The following TRIM2 variants were observed in gnomAD, a reference collection of about 807,000 sequenced individuals.
TRIM2 encodes the protein tripartite motif-containing protein 2.
In TRIM2, 20 loss-of-function variants were observed where a neutral mutation model predicts 75.2. The ratio of observed to expected loss-of-function variants is 0.27; its 90% CI spans 0.19 to 0.39. The LOEUF (loss-of-function observed/expected upper bound fraction) is 0.39. Ranked by LOEUF, TRIM2 falls within the 10% of genes least tolerant of loss-of-function variation. The pLI, the probability that TRIM2 is intolerant of heterozygous loss-of-function variation, is 1.00. For synonymous variants in TRIM2, 373 were observed against 388.3 expected (o/e 0.96, Z 0.46); for missense variants, 660 against 990.8 (o/e 0.67, Z 4.48).
chr4:153,277,189 C>G (rs1758214794), intron 3 of TRIM2, among the ~76,000 whole-genome samples: 1 of 152,220 alleles, frequency 6.6e-6, no homozygotes, highest in African/African-American at 2.4e-5. Flanking sequence ...CAAATGGTTT[C>G]CCTCCTCGGG....
intron 6 of TRIM2, among the ~76,000 whole-genome samples, chr4:153,314,411 C>T (rs1349741008): frequency 1.8e-5 from 2 of 109,032 alleles, no homozygotes; most frequent in African/African-American, 8.7e-5. Flanking sequence ...CAGAGCGAGA[C>T]TCCGTCTCAA....
chr4:153,251,078 A>G (rs975974346), intron 1 of TRIM2, among the ~76,000 whole-genome samples: 6 of 152,206 alleles, frequency 3.9e-5, no homozygotes, highest in Non-Finnish European at 5.9e-5. Context: ...CATAACCCCA[A>G]TAGGTTAAGG....
At chr4:153,194,038 G>A (rs1187509211) in intron 1 of TRIM2, among the ~76,000 whole-genome samples, 1 of 152,166 alleles carries the variant, frequency 6.6e-6, no homozygotes, top group Admixed American at 6.5e-5. Flanking sequence ...TGGCCCCCAG[G>A]GACCCTTCAC....
intron 6 of TRIM2, among the ~76,000 whole-genome samples, chr4:153,303,426 T>C (rs1183657582): frequency 6.7e-6 from 1 of 149,866 alleles, no homozygotes; most frequent in Non-Finnish European, 1.5e-5. Context: ...TGAGCCAAGA[T>C]CTTGCCACTG....
At chr4:153,316,869 ATGCC>A (rs1767710996) in intron 8 of TRIM2, among the ~76,000 whole-genome samples, 1 of 77,256 alleles carries the variant, frequency 1.3e-5, no homozygotes, top group African/African-American at 6.5e-5. Context: ...CATTTGCATT[ATGCC>A]TTTTTTTTTT....
At chr4:153,220,971 C>T (rs1739792783) in intron 1 of TRIM2, among the ~76,000 whole-genome samples, 1 of 152,020 alleles carries the variant, frequency 6.6e-6, no homozygotes, top group Admixed American at 6.6e-5. Flanking sequence ...GCGTATGACC[C>T]AGTGATTTCA....
In TRIM2 at chr4:153,224,454, C is replaced by T. The variant is rs188654505; in HGVS notation, c.30+19894C>T. On this transcript the variant is annotated intron_variant, in intron 1 of 11. Coordinates refer to ENST00000338700, the MANE Select transcript of TRIM2 (RefSeq NM_015271.5). ...CAGAACACCACATCCCATTTGCCCT[C>T]ATTAACTCATTCTTTTAACTCATTC... Among the ~76,000 whole-genome samples the T allele has an allele frequency of 3.9e-3, 587 of 152,318 alleles. 4 individuals carry two copies. Among genetic ancestry groups the T allele is most frequent in the Non-Finnish European group, 6.6e-3 (450 of 68,032 alleles).
chr4:153,318,344 C>G (rs1237036297), intron 8 of TRIM2, among the ~76,000 whole-genome samples: 2 of 152,184 alleles, frequency 1.3e-5, no homozygotes, highest in African/African-American at 4.8e-5. Flanking sequence ...CAGATTTGAG[C>G]CTCTGTTTTG....
At chr4:153,213,716 C>T (rs59594619) in intron 1 of TRIM2, among the ~76,000 whole-genome samples, 19,337 of 151,936 alleles carry the variant, frequency 0.13, 1,237 homozygotes, top group Admixed American at 0.16. Context: ...TTAGTAGAGA[C>T]GGGTTTCACC....
At chr4:153,267,551 C>T (rs534925687) in intron 1 of TRIM2, among the ~76,000 whole-genome samples, 176 of 152,236 alleles carry the variant, frequency 1.2e-3, no homozygotes, top group Non-Finnish European at 2.0e-3. Context: ...ACTGGGGAGG[C>T]TGAGGCAGAG....
chr4:153,283,826 C>T (rs183879848), intron 3 of TRIM2, among the ~76,000 whole-genome samples: 61 of 139,704 alleles, frequency 4.4e-4, no homozygotes, highest in Admixed American at 1.4e-3. Flanking sequence ...TTAGTAGAGA[C>T]GGGGTTTCAT....
chr4:153,189,590 A>G (rs1488024626), intron 1 of TRIM2, among the ~76,000 whole-genome samples: 1 of 152,150 alleles, frequency 6.6e-6, no homozygotes, highest in Non-Finnish European at 1.5e-5. Flanking sequence ...ATTCCACCCT[A>G]CACGCCAGCT....
chr4:153,284,042 G>A (rs1240256463), intron 3 of TRIM2, among the ~76,000 whole-genome samples: 1 of 148,202 alleles, frequency 6.7e-6, no homozygotes, highest in African/African-American at 2.5e-5. Context: ...GCTAATTTTT[G>A]TATTTTTTTT....
intron 8 of TRIM2, among the ~76,000 whole-genome samples, chr4:153,319,192 CCTTTT>C (rs1394773453): frequency 5.3e-5 from 8 of 152,162 alleles, no homozygotes; most frequent in Non-Finnish European, 4.4e-5. Flanking sequence ...CATCTTATCT[CCTTTT>C]CTTTTATTCA....
At chr4:153,205,843 G>C (rs1439664269) in intron 1 of TRIM2, among the ~76,000 whole-genome samples, 1 of 152,166 alleles carries the variant, frequency 6.6e-6, no homozygotes, top group African/African-American at 2.4e-5. Flanking sequence ...TTGACGCCAA[G>C]CAACATGAAT....
chr4:153,273,886 G>A (rs574272896), intron 2 of TRIM2, among the ~76,000 whole-genome samples: 1 of 152,288 alleles, frequency 6.6e-6, no homozygotes, highest in East Asian at 1.9e-4. Context: ...TAAACAAAGG[G>A]GAGTGAATAG....
intron 1 of TRIM2, among the ~76,000 whole-genome samples, chr4:153,209,025 T>G (rs1736225635): frequency 6.6e-6 from 1 of 152,164 alleles, no homozygotes; most frequent in Admixed American, 6.6e-5. Context: ...TGGAGTCATT[T>G]CTTCACCAGG....
At chr4:153,239,137 G>C (rs1368365409) in intron 1 of TRIM2, among the ~76,000 whole-genome samples, 1 of 152,126 alleles carries the variant, frequency 6.6e-6, no homozygotes, top group African/African-American at 2.4e-5. Flanking sequence ...TGGATCACGA[G>C]GTCAGATGAT....
At chr4:153,330,623 C>T (rs911898217) in intron 11 of TRIM2, among the ~76,000 whole-genome samples, 1 of 152,124 alleles carries the variant, frequency 6.6e-6, no homozygotes, top group African/African-American at 2.4e-5. Flanking sequence ...AGAAGAAAAA[C>T]TATATGATCA....
Sources: allele counts gnomAD v4.1 joint callset (sites outside exome capture counted in the v4.1 genomes callset), GRCh38; gene constraint gnomAD v4.1.1; transcripts MANE v1.5; gene names NCBI Gene and HGNC (gene_info 2026-07-23, HGNC 2026-07-21).